Variants in CYTH2 observed in about 807,000 individuals in gnomAD.
CYTH2 encodes cytohesin-2.
CYTH2 carries 24 observed loss-of-function variants against 55.4 expected under a neutral mutation model. The observed-to-expected ratio is 0.43, with a 90% CI of 0.31 to 0.61. The LOEUF (loss-of-function observed/expected upper bound fraction) is 0.61, where lower values mean the gene tolerates loss of function less well. Ranked by LOEUF, CYTH2 falls within the 20% of genes least tolerant of loss-of-function variation. CYTH2 has a pLI of 0.08. For missense variants in CYTH2, 378 were observed against 533.5 expected (o/e 0.71, Z 2.87); for synonymous variants, 221 against 209.6 (o/e 1.05, Z -0.47).
At position 48,470,369 on chromosome 19, in the gene CYTH2, T is replaced by C. The variant is rs1341932139; in HGVS notation, c.36T>C (p.Thr12=). The change falls in exon 2 of 12, where the codon ACT becomes ACC. Residue 12 remains threonine (T), a synonymous_variant. Transcript: ENST00000452733. Reference sequence around the variant, plus strand: ...GATCCCTAGAACCCCCAGACCTGACTCCGGAGGAGCGGATGGAGCTGGAGA... The same window carrying C: ...GATCCCTAGAACCCCCAGACCTGACCCCGGAGGAGCGGATGGAGCTGGAGA... ...EDGVYEPPDL[T]PEERMELENI... 6.2e-7 allele frequency: 1 copy of C among 1,612,676 alleles called. No individual in the cohort carries two copies. The highest frequency in any genetic ancestry group is 8.5e-7 in the Non-Finnish European group (1 of 1,179,370).
Position 48,470,468 on chromosome 19 carries a change from C to T in CYTH2, c.135C>T (p.Ser45=), listed in dbSNP as rs147667770. ...GGGAGGAGCTCAGTGAAGCCATGAG[C>T]GAGGTGGAGGGGCTGGAGGCCAATG... ...RLREELSEAM[S]EVEGLEANEG... is the part of the protein sequence containing the mutation. Residue 45 remains serine, a synonymous_variant, in exon 2 of 12, where the codon AGC becomes AGT. Coordinates refer to ENST00000452733, the MANE Select transcript of CYTH2 (RefSeq NM_004228.7). 1.5e-4 allele frequency: 235 copies of T among 1,614,040 alleles called. 2 individuals carry two copies. In the East Asian group the frequency reaches 4.8e-3, roughly 33 times the overall value.
intron 4 of CYTH2, chr19:48,473,047 G>A: frequency 4.2e-6 from 2 of 477,468 alleles, no homozygotes; most frequent in South Asian, 2.4e-5. Flanking sequence ...ACATGTTTGC[G>A]GCATTTCTCC....
At chr19:48,471,662 G>T (rs1238653218) in intron 3 of CYTH2, among the ~76,000 whole-genome samples, 1 of 152,208 alleles carries the variant, frequency 6.6e-6, no homozygotes, top group Non-Finnish European at 1.5e-5. Flanking sequence ...TCTAGCCAGG[G>T]CTTCGAGTTC....
intron 8 of CYTH2, 37 bp from the exon 9 acceptor site, chr19:48,478,032 G>C (rs753165513): frequency 5.1e-6 from 8 of 1,579,618 alleles, no homozygotes; most frequent in Non-Finnish European, 6.1e-6. Context: ...CTGTCCCCCT[G>C]TTGAGCCCAG....
At position 48,470,503 on chromosome 19, in the gene CYTH2, G is replaced by A. The variant is rs1251884584; in HGVS notation, c.167+3G>A. The A allele has an allele frequency of 6.2e-7, 1 of 1,613,640 alleles. No individual in the cohort carries two copies. Among genetic ancestry groups the A allele is most frequent in the African/African-American group, 1.3e-5 (1 of 74,952 alleles). On this transcript the variant is annotated splice_donor_region_variant and intron_variant, in intron 2 of 11. Transcript: ENST00000452733. Reference sequence around the variant, plus strand: ...GGGCTGGAGGCCAATGAGGGCAGGTGAGGGCTGGGGCGGATGACCTAGGGG... The same window carrying A: ...GGGCTGGAGGCCAATGAGGGCAGGTAAGGGCTGGGGCGGATGACCTAGGGG...
intron 8 of CYTH2, 98 bp from the exon 9 acceptor site, chr19:48,477,970 AC>A: frequency 1.1e-6 from 1 of 940,540 alleles, no homozygotes; most frequent in Non-Finnish European, 1.7e-6. Flanking sequence ...CAGGAGCCCC[AC>A]CTCTACCGCT....
intron 8 of CYTH2, 61 bp from the exon 9 acceptor site, chr19:48,478,008 A>G (rs1971953495): frequency 7.8e-6 from 11 of 1,416,092 alleles, no homozygotes; most frequent in Non-Finnish European, 9.9e-6. Flanking sequence ...CGCCCCTCCC[A>G]TCTCCCAGAG....
At chr19:48,470,156 G>A in intron 1 of CYTH2, 197 bp from the exon 2 acceptor site, 1 of 880,092 alleles carries the variant, frequency 1.1e-6, no homozygotes, top group Non-Finnish European at 1.8e-6. Context: ...AATTCCCCTT[G>A]TCCCCCAGGA....
At chr19:48,473,676 C>G (rs1971848984) in intron 5 of CYTH2, 1 of 598,530 alleles carries the variant, frequency 1.7e-6, no homozygotes, top group African/African-American at 1.9e-5. Flanking sequence ...TCAACCAACC[C>G]CCAGACCTGT....
chr19:48,473,236 C>G lies in CYTH2; in HGVS notation c.354-62C>G, dbSNP rs1262036851. The G allele has an allele frequency of 5.1e-6, 8 of 1,558,868 alleles. No homozygotes were observed. In the South Asian group the frequency reaches 8.9e-5, roughly 17 times the overall value. On this transcript the variant is annotated intron_variant, in intron 4 of 11. Transcript: ENST00000452733. ...GGGGCACGACTTCCCCAGGGCATTG[C>G]CCTTTGCCCATTCCTGCCCCATCCT...
intron 4 of CYTH2, 155 bp downstream of exon 4, chr19:48,472,598 T>A (rs983591652): frequency 2.6e-5 from 19 of 728,020 alleles, no homozygotes; most frequent in Non-Finnish European, 4.6e-5. Context: ...TGTGACAGAA[T>A]GGACTGACAT....
In CYTH2 at chr19:48,475,868, A is replaced by G. The variant is rs190475794; in HGVS notation, c.808+919A>G. On this transcript the variant is annotated intron_variant, in intron 8 of 11. Coordinates refer to ENST00000452733, the MANE Select transcript of CYTH2 (RefSeq NM_004228.7). ...ACAGTAGGTGCCACCTGCGTGTTAG[A>G]TGTGGTTTATAATGGAGACACGGTG... 416 of 286,552 alleles carry G rather than the reference A, an allele frequency of 1.5e-3. 3 individuals are homozygous for G. The highest frequency in any genetic ancestry group is 8.5e-3 in the African/African-American group (377 of 44,460). 17.8% of individuals were successfully genotyped at this position (286,552 alleles called of 1,614,324 possible).
At chr19:48,472,923 A>G (rs192235862) in intron 4 of CYTH2, 5 of 321,260 alleles carry the variant, frequency 1.6e-5, no homozygotes, top group Non-Finnish European at 3.0e-5. Context: ...TCAGGGATTT[A>G]TAGAGATCTG....
In CYTH2 at chr19:48,478,226, G is replaced by A. The variant is rs557320308; in HGVS notation, c.886-49G>A. The A allele has an allele frequency of 6.8e-6, 11 of 1,612,910 alleles. No homozygotes were observed. In the East Asian group the frequency reaches 2.2e-4, roughly 33 times the overall value. ...GACTCCTGGGGCTGAGGGAGGTGGGGTGGGGTGAGGACTTGGAAGTCTGAG... is the reference window on the plus strand; with the variant it reads ...GACTCCTGGGGCTGAGGGAGGTGGGATGGGGTGAGGACTTGGAAGTCTGAG... On this transcript the variant is annotated intron_variant, in intron 9 of 11. Transcript: ENST00000452733.
Position 48,475,249 on chromosome 19 carries a change from C to G in CYTH2, c.808+300C>G, listed in dbSNP as rs1971887666. ...GCAGTGAGAGGCAGCTGACATTGTCCTTTCGTGGGAGAAGAGTTCACTCAG... is the reference window on the plus strand; with the variant it reads ...GCAGTGAGAGGCAGCTGACATTGTCGTTTCGTGGGAGAAGAGTTCACTCAG... On this transcript the variant is annotated intron_variant, in intron 8 of 11. Coordinates refer to ENST00000452733, the MANE Select transcript of CYTH2 (RefSeq NM_004228.7). 1.4e-5 allele frequency: 5 copies of G among 365,992 alleles called. No homozygotes were observed. In the South Asian group the frequency reaches 2.0e-4, roughly 15 times the overall value. The allele number at this position is 365,992 out of a possible 1,614,324, so 22.7% of individuals were successfully genotyped here.
intron 4 of CYTH2, 197 bp downstream of exon 4, chr19:48,472,640 A>G (rs1022550827): frequency 3.2e-6 from 2 of 630,572 alleles, no homozygotes; most frequent in African/African-American, 1.8e-5. Flanking sequence ...AACCGAGAGC[A>G]TCTGGGGATG....
At chr19:48,469,715 A>T in intron 1 of CYTH2, 189 bp downstream of exon 1, 1 of 850,310 alleles carries the variant, frequency 1.2e-6, no homozygotes, top group Non-Finnish European at 1.7e-6. Context: ...GTTCCAGGCC[A>T]TTGTTTGGGC....
chr19:48,473,770 T>A lies in CYTH2; in HGVS notation c.435-135T>A, dbSNP rs1030115015. 1.0e-5 allele frequency: 7 copies of A among 690,984 alleles called. No homozygotes were observed. In the East Asian group the frequency reaches 1.9e-4, roughly 19 times the overall value. The allele number at this position is 690,984 out of a possible 1,614,324, so 42.8% of individuals were successfully genotyped here. A position where few individuals can be genotyped will look rare whatever the true frequency, so the allele number is the denominator to read the frequency against. On this transcript the variant is annotated intron_variant, in intron 5 of 11. Transcript: ENST00000452733. ...AATGCCCATTGGTGAGACTGGATCA[T>A]GTGACCATACCTGAAACAACTGCTG...
At position 48,474,557 on chromosome 19, in the gene CYTH2, C is replaced by CT. The variant is rs1569090190; in HGVS notation, c.696+228dup. Among the ~76,000 whole-genome samples, 1 of 152,208 alleles carries CT rather than the reference C, an allele frequency of 6.6e-6. No homozygotes were observed. Among genetic ancestry groups the CT allele is most frequent in the African/African-American group, 2.4e-5 (1 of 41,454 alleles). ...TTTGGCCTGTCTGTCTTCTCTGTCT[C>CT]TGGCTGTTGGGCTTTCCGGCCCTCG... On this transcript the variant is annotated intron_variant, in intron 7 of 11. Transcript: ENST00000452733. This position sits in a 1 kb window ranked among gnomAD's most constrained non-coding sequence, Gnocchi z 4.9.
Sources: gnomAD v4.1 joint callset for allele counts (sites outside exome capture counted in the v4.1 genomes callset) on GRCh38, gnomAD v4.1.1 for gene constraint, Gnocchi (gnomAD v3.1) non-coding constraint, MANE v1.5 for transcripts, NCBI Gene and HGNC (gene_info 2026-07-23, HGNC 2026-07-21) for gene names.